The following RRN3 variants were observed in gnomAD, a reference collection of about 807,000 sequenced individuals.
The protein encoded by RRN3 is RNA polymerase I-specific transcription initiation factor RRN3.
A neutral mutation model predicts 82.3 loss-of-function variants in RRN3; 38 were observed. The ratio of observed to expected loss-of-function variants is 0.46; its 90% CI spans 0.36 to 0.61. The LOEUF (loss-of-function observed/expected upper bound fraction) is 0.61, where lower values mean the gene tolerates loss of function less well. RRN3 is among the 20% of genes least tolerant of loss of function. The probability of loss-of-function intolerance (pLI) is 0.00; values close to 1 mark genes in which losing one functional copy is unlikely to be tolerated. For missense variants in RRN3, 726 were observed against 793.1 expected (o/e 0.92, Z 1.02); for synonymous variants, 284 against 284.3 (o/e 1.00, Z 0.01).
chr16:15,074,632 T>C, intron 11 of RRN3, 91 bp downstream of exon 11: 2 of 904,996 alleles, frequency 2.2e-6, no homozygotes, highest in Non-Finnish European at 3.2e-6. Flanking sequence ...TACAGGATTT[T>C]TAGTATTACT....
At chr16:15,093,131 AGT>A in intron 1 of RRN3, among the ~76,000 whole-genome samples, 1 of 151,958 alleles carries the variant, frequency 6.6e-6, no homozygotes. Flanking sequence ...CAGCCTCCTG[AGT>A]AGCTGGGATT....
chr16:15,076,698 A>T lies in RRN3; in HGVS notation c.766-48T>A, dbSNP rs763382106. 32 of 1,331,946 alleles carry T rather than the reference A, an allele frequency of 2.4e-5. No homozygotes were observed. In the East Asian group the frequency reaches 7.4e-4, roughly 31 times the overall value. The allele number at this position is 1,331,946 out of a possible 1,614,324, so 82.5% of individuals were successfully genotyped here. On this transcript the variant is annotated intron_variant, in intron 9 of 17. Coordinates refer to ENST00000198767, the MANE Select transcript of RRN3 (RefSeq NM_018427.5). ...AAGAATAAAAGGATTTAAAAAATAC[A>T]ACTATGTTATTTTGGGATGGAAATT...
intron 10 of RRN3, among the ~76,000 whole-genome samples, chr16:15,075,957 C>A (rs1475132363): frequency 6.6e-6 from 1 of 152,162 alleles, no homozygotes; most frequent in African/African-American, 2.4e-5. Flanking sequence ...CCCTTAGAAC[C>A]AATGACTGAT....
chr16:15,064,544 T>C (rs2044872034), intron 16 of RRN3, among the ~76,000 whole-genome samples: 1 of 152,146 alleles, frequency 6.6e-6, no homozygotes, highest in Non-Finnish European at 1.5e-5. Context: ...AACAAGACAC[T>C]TGGCAGAAAA....
In RRN3 at chr16:15,070,259, A is replaced by C; in HGVS notation, c.1260-5T>G. The C allele has an allele frequency of 6.2e-7, 1 of 1,611,636 alleles. No individual in the cohort carries two copies. The highest frequency in any genetic ancestry group is 1.1e-5 in the South Asian group (1 of 90,914). ...TCTAGGCATGATTTTACAGTACTAG[A>C]GAAAAGAAAAATTCAAGTCAACTTT... On this transcript the variant is annotated splice_region_variant and splice_polypyrimidine_tract_variant and intron_variant, in intron 13 of 17. Coordinates refer to ENST00000198767, the MANE Select transcript of RRN3 (RefSeq NM_018427.5).
At chr16:15,083,472 A>G (rs1441279642) in intron 8 of RRN3, 41 bp downstream of exon 8, 1 of 1,605,714 alleles carries the variant, frequency 6.2e-7, no homozygotes, top group African/African-American at 1.3e-5. Context: ...AAATCGTACA[A>G]ACAACTTTTC....
intron 17 of RRN3, among the ~76,000 whole-genome samples, chr16:15,062,864 G>C (rs1321146087): frequency 6.6e-6 from 1 of 152,200 alleles, no homozygotes; most frequent in Non-Finnish European, 1.5e-5. Context: ...ACACGGTTTT[G>C]GTGTGCTTTT....
chr16:15,094,249 C>T lies in RRN3; in HGVS notation c.-16G>A, dbSNP rs776931346. ...GTGCCGCCATTGGGCCGAACTAACGCGACCGCTGCGCCTCAGGCCGGATGC... is the reference window on the plus strand; with the variant it reads ...GTGCCGCCATTGGGCCGAACTAACGTGACCGCTGCGCCTCAGGCCGGATGC... On this transcript the variant is annotated 5_prime_UTR_variant, in exon 1 of 18. Coordinates refer to ENST00000198767, the MANE Select transcript of RRN3 (RefSeq NM_018427.5). 2 of 1,556,204 alleles carry T rather than the reference C, an allele frequency of 1.3e-6. No individual in the cohort carries two copies. The highest frequency in any genetic ancestry group is 3.8e-5 in the Admixed American group (2 of 52,352).
At chr16:15,064,889 G>A (rs184113481) in intron 16 of RRN3, among the ~76,000 whole-genome samples, 7 of 152,290 alleles carry the variant, frequency 4.6e-5, no homozygotes, top group Admixed American at 1.3e-4. Flanking sequence ...CCTCCTGGCC[G>A]GGCGCGGTGG....
At chr16:15,063,829 G>A (rs1357883481) in intron 16 of RRN3, among the ~76,000 whole-genome samples, 6 of 151,842 alleles carry the variant, frequency 4.0e-5, no homozygotes, top group African/African-American at 1.2e-4. Context: ...TTGAACTACC[G>A]TTTTTCATCT....
At chr16:15,069,027 T>C (rs935551486) in intron 14 of RRN3, among the ~76,000 whole-genome samples, 4 of 152,198 alleles carry the variant, frequency 2.6e-5, no homozygotes, top group Non-Finnish European at 4.4e-5. Context: ...AGAGCTTGTA[T>C]TTACTTACCT....
chr16:15,086,562 G>C (rs2045924050), intron 3 of RRN3, 108 bp from the exon 4 acceptor site: 16 of 1,501,122 alleles, frequency 1.1e-5, no homozygotes, highest in Non-Finnish European at 1.3e-5. Flanking sequence ...GGGGGAAAAG[G>C]TCACAAACTT....
At chr16:15,085,794 T>C (rs1483877762) in intron 5 of RRN3, 96 bp from the exon 6 acceptor site, 1 of 1,507,994 alleles carries the variant, frequency 6.6e-7, no homozygotes, top group South Asian at 1.2e-5. Flanking sequence ...TGAACAGCTA[T>C]AAAAAAAGTT....
At chr16:15,079,369 A>T (rs1336313869) in intron 9 of RRN3, among the ~76,000 whole-genome samples, 3 of 152,218 alleles carry the variant, frequency 2.0e-5, no homozygotes, top group Non-Finnish European at 4.4e-5. Flanking sequence ...AAACAGGAAA[A>T]ATCACTTCCG....
intron 17 of RRN3, 141 bp downstream of exon 17, chr16:15,063,055 G>C: frequency 1.4e-6 from 1 of 709,418 alleles, no homozygotes; most frequent in Admixed American, 2.2e-5. Context: ...TGTTGCCCAG[G>C]CTGGTCTCCA....
intron 8 of RRN3, among the ~76,000 whole-genome samples, chr16:15,080,644 T>A (rs955726641): frequency 2.0e-5 from 3 of 152,212 alleles, no homozygotes; most frequent in African/African-American, 7.2e-5. Flanking sequence ...TTGCCCAGGC[T>A]GGTCTTCAAC....
chr16:15,083,433 A>C, intron 8 of RRN3, 80 bp downstream of exon 8: 2 of 1,571,786 alleles, frequency 1.3e-6, no homozygotes, highest in African/African-American at 1.4e-5. Flanking sequence ...CTGGAAAAGA[A>C]AGAAAAAGAC....
intron 2 of RRN3, 73 bp downstream of exon 2, chr16:15,092,436 G>A (rs2151829034): frequency 1.2e-6 from 1 of 859,190 alleles, no homozygotes; most frequent in Admixed American, 2.0e-5. Context: ...TATTTCTATT[G>A]GTCTTTAGTA....
In RRN3 at chr16:15,091,362, T is replaced by C. The variant is rs1217169731; in HGVS notation, c.205A>G (p.Asn69Asp). The C allele has an allele frequency of 1.3e-6, 2 of 1,590,258 alleles. No homozygotes were observed. The highest frequency in any genetic ancestry group is 1.7e-6 in the Non-Finnish European group (2 of 1,163,898). Residue 69 changes from asparagine (N) to aspartate (D), a missense_variant, in exon 3 of 18, where the codon AAT (asparagine) becomes GAT (aspartate). Physicochemically the swap from Asn to Asp is conservative, Grantham distance 23. Coordinates refer to ENST00000198767, the MANE Select transcript of RRN3 (RefSeq NM_018427.5). ...VLLKYKKGET[N>D]DFELLKNQLL... Reference sequence around the variant, plus strand: ...TGGTTCTTCAACAACTCAAAGTCATTTGTTTCACCCTTAACAAGAAGGGGA... The same window carrying C: ...TGGTTCTTCAACAACTCAAAGTCATCTGTTTCACCCTTAACAAGAAGGGGA...
Sources: allele counts gnomAD v4.1 joint callset (sites outside exome capture counted in the v4.1 genomes callset), GRCh38; gene constraint gnomAD v4.1.1; transcripts MANE v1.5; gene names NCBI Gene and HGNC (gene_info 2026-07-23, HGNC 2026-07-21).